Variants in SLC35F1 observed in about 807,000 individuals in gnomAD.
The protein encoded by SLC35F1 is solute carrier family 35 member F1.
SLC35F1 carries 14 observed loss-of-function variants against 48.7 expected under a neutral mutation model. That is an observed-to-expected ratio of 0.29 (90% confidence interval 0.19 to 0.45). SLC35F1 has a LOEUF of 0.45. Ranked by LOEUF, SLC35F1 falls within the 20% of genes least tolerant of loss-of-function variation. SLC35F1 has a pLI of 1.00. For missense variants in SLC35F1, 404 were observed against 500.0 expected (o/e 0.81, Z 1.83); for synonymous variants, 190 against 202.2 (o/e 0.94, Z 0.51).
intron 2 of SLC35F1, among the ~76,000 whole-genome samples, chr6:118,192,735 A>G (rs1055326389): frequency 6.6e-6 from 1 of 152,156 alleles, no homozygotes; most frequent in South Asian, 2.1e-4. Flanking sequence ...AAGGTTAAAC[A>G]TTATCTTTTA....
At chr6:118,128,246 A>G (rs1773657667) in intron 1 of SLC35F1, among the ~76,000 whole-genome samples, 2 of 148,388 alleles carry the variant, frequency 1.3e-5, no homozygotes, top group South Asian at 2.2e-4. Flanking sequence ...TGTGGAAATC[A>G]GTGTGGCGAT....
intron 1 of SLC35F1, among the ~76,000 whole-genome samples, chr6:118,057,129 G>A (rs1215398152): frequency 1.3e-5 from 2 of 152,110 alleles, no homozygotes; most frequent in Non-Finnish European, 2.9e-5. Context: ...CAGAGTCTAT[G>A]AGAAGGCTGT....
At chr6:118,249,533 C>T (rs1198518685) in intron 3 of SLC35F1, among the ~76,000 whole-genome samples, 2 of 152,038 alleles carry the variant, frequency 1.3e-5, no homozygotes. Context: ...AGAGTCCTTG[C>T]ATGTAAAAAA....
At chr6:117,959,462 GTC>G (rs1776467312) in intron 1 of SLC35F1, among the ~76,000 whole-genome samples, 1 of 152,152 alleles carries the variant, frequency 6.6e-6, no homozygotes, top group Non-Finnish European at 1.5e-5. Context: ...CAAAATCTCT[GTC>G]TGTAGGGCCA....
At chr6:118,113,956 G>A (rs1453249850) in intron 1 of SLC35F1, among the ~76,000 whole-genome samples, 1 of 152,200 alleles carries the variant, frequency 6.6e-6, no homozygotes, top group Non-Finnish European at 1.5e-5. Flanking sequence ...AATGTTCAAT[G>A]ACTTGTTTGG....
intron 1 of SLC35F1, among the ~76,000 whole-genome samples, chr6:118,047,060 T>C (rs1291535405): frequency 6.6e-6 from 1 of 152,128 alleles, no homozygotes; most frequent in Non-Finnish European, 1.5e-5. Flanking sequence ...AGACATACTC[T>C]CAGAGATTCC....
chr6:117,935,761 A>C (rs1776156009), intron 1 of SLC35F1, among the ~76,000 whole-genome samples: 1 of 152,214 alleles, frequency 6.6e-6, no homozygotes, highest in South Asian at 2.1e-4. Context: ...TAAAACAAGA[A>C]AGCAGAGTGT....
intron 1 of SLC35F1, among the ~76,000 whole-genome samples, chr6:118,035,682 A>ATTTTTTTT (rs745704672): frequency 9.2e-5 from 8 of 87,328 alleles, no homozygotes; most frequent in South Asian, 4.0e-4. Context: ...GGCTTTGTTA[A>ATTTTTTTT]TTTTTTTTTT....
chr6:118,006,138 A>G (rs1002168178), intron 1 of SLC35F1, among the ~76,000 whole-genome samples: 1 of 152,132 alleles, frequency 6.6e-6, no homozygotes, highest in Non-Finnish European at 1.5e-5. Context: ...AATTATTGCT[A>G]TTATCATTTT....
chr6:118,015,059 T>C (rs1257257670), intron 1 of SLC35F1, among the ~76,000 whole-genome samples: 2 of 152,334 alleles, frequency 1.3e-5, no homozygotes, highest in East Asian at 1.9e-4. Context: ...TCTCATGGTT[T>C]TATAAGGGGA....
chr6:118,265,443 A>G (rs1775760059), intron 3 of SLC35F1, among the ~76,000 whole-genome samples: 2 of 152,356 alleles, frequency 1.3e-5, no homozygotes, highest in Middle Eastern at 3.4e-3. Flanking sequence ...ATTCAACAAA[A>G]GCATCAAACA....
rs1057396456 is a variant in SLC35F1 at position 118,004,203 on chromosome 6, A to G, written c.173+96304A>G. Among the ~76,000 whole-genome samples the G allele has an allele frequency of 2.6e-5, 4 of 152,210 alleles. No individual in the cohort carries two copies. The South Asian group carries it at 6.2e-4, about 24-fold the overall frequency. ...TTTCTTCTTGGAAGTTGATGATTGC[A>G]CAGGATGATTTAGGTGTCTGAGAGT... is the stretch of plus-strand genomic sequence containing the variant. On this transcript the variant is annotated intron_variant, in intron 1 of 7. Coordinates refer to ENST00000360388, the MANE Select transcript of SLC35F1 (RefSeq NM_001029858.4).
chr6:117,973,582 T>TA lies in SLC35F1; in HGVS notation c.173+65683_173+65684insA, dbSNP rs1242305413. Among the ~76,000 whole-genome samples, 17 of 151,978 alleles carry TA rather than the reference T, an allele frequency of 1.1e-4. No homozygotes were observed. The South Asian group carries it at 2.3e-3, about 20-fold the overall frequency. ...TTATTTATTTAATTTTTAATATATA[T>TA]TTTTTTGAGACAAGGTCTTGCTCTG... On this transcript the variant is annotated intron_variant, in intron 1 of 7. Transcript: ENST00000360388.
intron 2 of SLC35F1, among the ~76,000 whole-genome samples, chr6:118,197,664 T>G (rs1774820443): frequency 6.6e-6 from 1 of 152,106 alleles, no homozygotes. Flanking sequence ...CAAATTGTAC[T>G]CAGTCCTTAC....
At chr6:118,087,505 TG>T (rs755290077) in intron 1 of SLC35F1, among the ~76,000 whole-genome samples, 1 of 152,276 alleles carries the variant, frequency 6.6e-6, no homozygotes, top group Non-Finnish European at 1.5e-5. Flanking sequence ...GAGTGGTTTT[TG>T]TTGTTTGTTT....
chr6:118,285,381 G>A (rs892953989), intron 7 of SLC35F1, 43 bp downstream of exon 7: 2 of 1,607,350 alleles, frequency 1.2e-6, no homozygotes, highest in Non-Finnish European at 1.7e-6. Flanking sequence ...ATACTTTGTA[G>A]GAAACAATGA....
chr6:118,232,832 A>G (rs1775311482), intron 2 of SLC35F1, among the ~76,000 whole-genome samples: 1 of 152,162 alleles, frequency 6.6e-6, no homozygotes, highest in Non-Finnish European at 1.5e-5. Context: ...AGCTCGAGTC[A>G]CCATGAGAAT....
chr6:118,062,888 TA>T (rs944260753), intron 1 of SLC35F1, among the ~76,000 whole-genome samples: 35 of 152,268 alleles, frequency 2.3e-4, no homozygotes, highest in African/African-American at 8.2e-4. Flanking sequence ...TTAATTTTTT[TA>T]AAAAAGAAAT....
chr6:118,309,112 T>C lies in SLC35F1; in HGVS notation c.1003-4916T>C, dbSNP rs770477232. Among the ~76,000 whole-genome samples, 18 of 152,056 alleles carry C rather than the reference T, an allele frequency of 1.2e-4. 1 individual carries two copies. The highest frequency in any genetic ancestry group is 6.2e-4 in the South Asian group (3 of 4,822). On this transcript the variant is annotated intron_variant, in intron 7 of 7. Coordinates refer to ENST00000360388, the MANE Select transcript of SLC35F1 (RefSeq NM_001029858.4). ...GTGCTCAAGGAAAACAAGCATTCAT[T>C]ATACGAATGCAATTTCAGAAGGCAG...
Sources: gnomAD v4.1 joint callset for allele counts (sites outside exome capture counted in the v4.1 genomes callset) on GRCh38, gnomAD v4.1.1 for gene constraint, MANE v1.5 for transcripts, NCBI Gene and HGNC (gene_info 2026-07-23, HGNC 2026-07-21) for gene names.